Variants in CADM3 observed in about 807,000 individuals in gnomAD.
CADM3 encodes cell adhesion molecule 3.
In CADM3, 11 loss-of-function variants were observed where a neutral mutation model predicts 44.9. The observed-to-expected ratio is 0.25, with a 90% CI of 0.15 to 0.41. The LOEUF is 0.41. Ranked by LOEUF, CADM3 falls within the 10% of genes least tolerant of loss-of-function variation. The pLI, the probability that CADM3 is intolerant of heterozygous loss-of-function variation, is 1.00. For missense variants in CADM3, 426 were observed against 512.0 expected, an observed-to-expected ratio of 0.83 and a Z score of 1.62; for synonymous variants, 207 against 205.2, an observed-to-expected ratio of 1.01 and a Z score of -0.08.
intron 1 of CADM3, among the ~76,000 whole-genome samples, chr1:159,189,406 AT>A (rs1377355024): frequency 6.6e-6 from 1 of 152,144 alleles, no homozygotes; most frequent in Non-Finnish European, 1.5e-5. Flanking sequence ...GTGGTCTTTC[AT>A]TTTTCTCTAG....
chr1:159,188,572 C>T (rs1213836953), intron 1 of CADM3, among the ~76,000 whole-genome samples: 1 of 152,108 alleles, frequency 6.6e-6, no homozygotes, highest in Non-Finnish European at 1.5e-5. Context: ...GACTCCAAAG[C>T]CCGGACACGT....
At chr1:159,184,369 G>A (rs894796857) in intron 1 of CADM3, among the ~76,000 whole-genome samples, 3 of 152,218 alleles carry the variant, frequency 2.0e-5, no homozygotes, top group Non-Finnish European at 2.9e-5. Context: ...CATGGTAGTC[G>A]TGAGGAATAA....
intron 1 of CADM3, among the ~76,000 whole-genome samples, chr1:159,186,755 GA>G (rs1649435092): frequency 2.6e-5 from 4 of 152,212 alleles, no homozygotes; most frequent in Middle Eastern, 6.8e-3. Flanking sequence ...CAGTTCTCAA[GA>G]GAAGACATGA....
Position 159,182,057 on chromosome 1 carries a change from GAC to G in CADM3, c.89-9850_89-9849del, listed in dbSNP as rs376492660. Among the ~76,000 whole-genome samples the G allele has an allele frequency of 9.8e-3, 1,404 of 143,678 alleles. 12 individuals are homozygous for G. The highest frequency in any genetic ancestry group is 0.017 in the African/African-American group (696 of 39,802). The allele number at this position is 143,678 out of a possible 152,430, so 94.3% of individuals were successfully genotyped here. A position where few individuals can be genotyped will look rare whatever the true frequency, so the allele number is the denominator to read the frequency against. On this transcript the variant is annotated intron_variant, in intron 1 of 8. Coordinates refer to ENST00000368125, the MANE Select transcript of CADM3 (RefSeq NM_001127173.3). ...GCAGATGCCAGCAAGCACACAGACA[GAC>G]ACACACACACACACACACACACACA...
In CADM3 at chr1:159,185,638, T is replaced by C. The variant is rs368472877; in HGVS notation, c.89-6298T>C. On this transcript the variant is annotated intron_variant, in intron 1 of 8. Transcript: ENST00000368125. Reference sequence around the variant, plus strand: ...AGCAACTAATTTGGATCCTGACATATAGAAACTGTTGATAAATACCAATTT... The same window carrying C: ...AGCAACTAATTTGGATCCTGACATACAGAAACTGTTGATAAATACCAATTT... Among the ~76,000 whole-genome samples, 5 of 152,324 alleles carry C rather than the reference T, an allele frequency of 3.3e-5. No individual in the cohort carries two copies. In the South Asian group the frequency reaches 8.3e-4, roughly 25 times the overall value.
At chr1:159,171,917 G>A (rs552196782) in intron 1 of CADM3, 64 bp downstream of exon 1, 1 of 1,107,344 alleles carries the variant, frequency 9.0e-7, no homozygotes, top group Non-Finnish European at 1.1e-6. Flanking sequence ...GGCTGGGATC[G>A]GGAGTCTCGC....
At chr1:159,172,293 T>C (rs940627710) in intron 1 of CADM3, among the ~76,000 whole-genome samples, 1 of 152,076 alleles carries the variant, frequency 6.6e-6, no homozygotes, top group Non-Finnish European at 1.5e-5. Context: ...TGTTTGTGTA[T>C]GTATGTCTGT....
At chr1:159,193,373 A>C (rs1571020588) in intron 3 of CADM3, 50 bp from the exon 4 acceptor site, 1 of 1,538,840 alleles carries the variant, frequency 6.5e-7, no homozygotes, top group Non-Finnish European at 8.8e-7. Context: ...CAGAAGTGTG[A>C]CCCCATGGGG....
chr1:159,194,099 A>G, intron 5 of CADM3, 59 bp downstream of exon 5: 2 of 1,531,254 alleles, frequency 1.3e-6, no homozygotes, highest in Non-Finnish European at 1.8e-6. Context: ...CCAGGGAGAA[A>G]GAGAATGCAG....
chr1:159,199,638 TC>T (rs1205153210), intron 7 of CADM3, 112 bp from the exon 8 acceptor site: 1 of 1,376,450 alleles, frequency 7.3e-7, no homozygotes, highest in African/African-American at 1.4e-5. Context: ...TGCTCCATTT[TC>T]CTGATGTTAG....
chr1:159,172,397 G>A (rs1000515217), intron 1 of CADM3, among the ~76,000 whole-genome samples: 25 of 152,146 alleles, frequency 1.6e-4, no homozygotes, highest in Non-Finnish European at 4.4e-5. Flanking sequence ...GCAGCTCCGA[G>A]TGGGCAGAGA....
Position 159,171,905 on chromosome 1 carries a change from G to C in CADM3, c.88+52G>C, listed in dbSNP as rs924363275. The C allele has an allele frequency of 8.6e-6, 10 of 1,161,496 alleles. No homozygotes were observed. In the African/African-American group the frequency reaches 1.6e-4, roughly 18 times the overall value. The allele number at this position is 1,161,496 out of a possible 1,614,324, so 71.9% of individuals were successfully genotyped here. A position where few individuals can be genotyped will look rare whatever the true frequency, so the allele number is the denominator to read the frequency against. ...GGGAGGTGGGGAGTGACCCGAGGCG[G>C]GGGCTGGGATCGGGAGTCTCGCGGA... On this transcript the variant is annotated intron_variant, in intron 1 of 8. Transcript: ENST00000368125.
Position 159,193,851 on chromosome 1 carries a change from C to A in CADM3, c.521-19C>A. ...TCTCTCTGTGTGTTTGTGTGTGTGC[C>A]ACTGTTTCTGCACTCTAGGAGAACC... On this transcript the variant is annotated intron_variant, in intron 4 of 8. Coordinates refer to ENST00000368125, the MANE Select transcript of CADM3 (RefSeq NM_001127173.3). 1 of 1,609,978 alleles carries A rather than the reference C, an allele frequency of 6.2e-7. No individual in the cohort carries two copies. The highest frequency in any genetic ancestry group is 8.5e-7 in the Non-Finnish European group (1 of 1,177,586).
In CADM3 at chr1:159,171,850, G is replaced by C. The variant is rs1392018025; in HGVS notation, c.85G>C (p.Asp29His). Residue 29 changes from aspartate (D) to histidine (H), a missense_variant, in exon 1 of 9, where the codon GAC becomes CAC. Asp to His is a moderately conservative substitution (Grantham distance 81, BLOSUM62 -1). This residue lies in a region of CADM3 where 64 missense variants were observed against 37.4 expected (regional missense o/e 1.71). Transcript: ENST00000368125. Reference sequence around the variant, plus strand: ...GCCCGGCGGGGCCAACCTCTCCCAGGACGGTGAGTGAGGGAGGGGGCGGCG... The same window carrying C: ...GCCCGGCGGGGCCAACCTCTCCCAGCACGGTGAGTGAGGGAGGGGGCGGCG... ...WAPGGANLSQ[D>H]DSQPWTSDET... 1 of 1,242,332 alleles carries C rather than the reference G, an allele frequency of 8.0e-7. No homozygotes were observed. The highest frequency in any genetic ancestry group is 1.5e-5 in the African/African-American group (1 of 64,842). 77.0% of individuals were successfully genotyped at this position (1,242,332 alleles called of 1,614,324 possible). A position where few individuals can be genotyped will look rare whatever the true frequency, so the allele number is the denominator to read the frequency against.
chr1:159,197,140 A>C lies in CADM3; in HGVS notation c.952+80A>C. On this transcript the variant is annotated intron_variant, in intron 7 of 8. Transcript: ENST00000368125. Reference sequence around the variant, plus strand: ...TCCCTTTTTTAAAATGCTTCCTGATAACATCCCCAAACTGTGACGGGGAGT... The same window carrying C: ...TCCCTTTTTTAAAATGCTTCCTGATCACATCCCCAAACTGTGACGGGGAGT... 4.2e-6 allele frequency: 6 copies of C among 1,441,764 alleles called. No individual in the cohort carries two copies. In the South Asian group the frequency reaches 7.6e-5, roughly 18 times the overall value. 89.3% of individuals were successfully genotyped at this position (1,441,764 alleles called of 1,614,324 possible).
chr1:159,174,370 T>C (rs1361342397), intron 1 of CADM3, among the ~76,000 whole-genome samples: 1 of 152,200 alleles, frequency 6.6e-6, no homozygotes, highest in Non-Finnish European at 1.5e-5. Flanking sequence ...TTCGTACCCC[T>C]GAGTTGGCCT....
At chr1:159,197,205 G>A in intron 7 of CADM3, 145 bp downstream of exon 7, 1 of 754,980 alleles carries the variant, frequency 1.3e-6, no homozygotes. Flanking sequence ...GGTCCCTGAG[G>A]GCTTAGGTCC....
At chr1:159,173,026 G>C (rs1364286127) in intron 1 of CADM3, among the ~76,000 whole-genome samples, 1 of 152,134 alleles carries the variant, frequency 6.6e-6, no homozygotes, top group Non-Finnish European at 1.5e-5. Context: ...TGTCGGAAGA[G>C]GAGGAGGGCT....
intron 1 of CADM3, among the ~76,000 whole-genome samples, chr1:159,177,525 T>A (rs1649069915): frequency 6.6e-6 from 1 of 152,116 alleles, no homozygotes; most frequent in Non-Finnish European, 1.5e-5. Context: ...CTGTTTTACC[T>A]CCAAGTTTCA....
Sources: allele counts gnomAD v4.1 joint callset (sites outside exome capture counted in the v4.1 genomes callset), GRCh38; gene constraint gnomAD v4.1.1; regional missense constraint gnomAD v4.1.1; transcripts MANE v1.5; gene names NCBI Gene and HGNC (gene_info 2026-07-23, HGNC 2026-07-21).